SENP8: variants seen among roughly 807,000 people sequenced by gnomAD.
SENP8 encodes the protein SUMO peptidase family member, NEDD8 specific, also known as sentrin-specific protease 8.
SENP8 carries 10 observed loss-of-function variants against 14.4 expected under a neutral mutation model. That is an observed-to-expected ratio of 0.69 (90% confidence interval 0.43 to 1.18). SENP8 has a LOEUF of 1.18. SENP8 is among the 50% of genes most tolerant of loss of function. The pLI, the probability that SENP8 is intolerant of heterozygous loss-of-function variation, is 0.00. For missense variants in SENP8, 202 were observed against 249.4 expected, an observed-to-expected ratio of 0.81 and a Z score of 1.28; for synonymous variants, 94 against 95.5, an observed-to-expected ratio of 0.98 and a Z score of 0.09.
chr15:72,140,707 A>G lies in SENP8; in HGVS notation c.*445A>G, dbSNP rs914496588. On this transcript the variant is annotated 3_prime_UTR_variant, in exon 2 of 2. Coordinates refer to ENST00000340912, the MANE Select transcript of SENP8 (RefSeq NM_145204.4). ...GAACCAAAAACTTGTTGCACAGCCT[A>G]CATAATTAAGAGATCAACTGGCTGG... The G allele has an allele frequency of 5.8e-6, 1 of 173,354 alleles. No individual in the cohort carries two copies. The highest frequency in any genetic ancestry group is 2.4e-5 in the African/African-American group (1 of 41,496). The allele number at this position is 173,354 out of a possible 1,614,324, so 10.7% of individuals were successfully genotyped here. A position where few individuals can be genotyped will look rare whatever the true frequency, so the allele number is the denominator to read the frequency against.
At position 72,129,536 on chromosome 15, in the gene SENP8, A is replaced by AT. The variant is rs35079066; in HGVS notation, c.-47-10021dup. Among the ~76,000 whole-genome samples the AT allele has an allele frequency of 9.1e-3, 961 of 105,412 alleles. 7 individuals are homozygous for AT. The highest frequency in any genetic ancestry group is 0.015 in the African/African-American group (435 of 28,570). 69.2% of individuals were successfully genotyped at this position (105,412 alleles called of 152,430 possible). Reference sequence around the variant, plus strand: ...CACCACCACACCCGGCTAATTTTGTATTTTTTTTTTTTTTTTTTTTAGTAG... The same window carrying AT: ...CACCACCACACCCGGCTAATTTTGTATTTTTTTTTTTTTTTTTTTTTAGTAG... On this transcript the variant is annotated intron_variant, in intron 1 of 1. Coordinates refer to ENST00000340912, the MANE Select transcript of SENP8 (RefSeq NM_145204.4).
intron 1 of SENP8, among the ~76,000 whole-genome samples, chr15:72,130,311 G>A (rs1567068282): frequency 6.6e-6 from 1 of 152,218 alleles, no homozygotes; most frequent in Non-Finnish European, 1.5e-5. Flanking sequence ...GAAATTTACA[G>A]ATTACATAAC....
intron 1 of SENP8, among the ~76,000 whole-genome samples, chr15:72,138,541 G>T (rs575337869): frequency 4.0e-5 from 6 of 151,092 alleles, no homozygotes; most frequent in Admixed American, 1.3e-4. Context: ...GTAGAGATGG[G>T]GTTTCACCAT....
At chr15:72,118,635 C>T (rs1200896696) in intron 1 of SENP8, 171 bp downstream of exon 1, 1 of 152,222 alleles carries the variant, frequency 6.6e-6, no homozygotes, top group Non-Finnish European at 1.5e-5. Context: ...CCCACTGCCC[C>T]CTCCATTGTC....
Position 72,139,570 on chromosome 15 carries a change from C to G in SENP8, c.-47-7C>G, listed in dbSNP as rs934332426. 1.9e-6 allele frequency: 3 copies of G among 1,564,584 alleles called. No homozygotes were observed. Among genetic ancestry groups the G allele is most frequent in the African/African-American group, 2.7e-5 (2 of 73,424 alleles). On this transcript the variant is annotated splice_region_variant and splice_polypyrimidine_tract_variant and intron_variant, in intron 1 of 1. Transcript: ENST00000340912. ...AGGTATTTATTGACAATAATATTGT[C>G]TTCTAGCTCTTGTTCAGCTTCTGGA...
At chr15:72,126,711 C>G (rs1326343007) in intron 1 of SENP8, among the ~76,000 whole-genome samples, 1 of 152,186 alleles carries the variant, frequency 6.6e-6, no homozygotes, top group Non-Finnish European at 1.5e-5. Context: ...CGTGAACACG[C>G]TGAAAACACT....
At chr15:72,123,783 A>G (rs929986799) in intron 1 of SENP8, among the ~76,000 whole-genome samples, 1 of 152,046 alleles carries the variant, frequency 6.6e-6, no homozygotes, top group Non-Finnish European at 1.5e-5. Context: ...CAGGTGATCC[A>G]CCCGCCTTGG....
upstream of SENP8, chr15:72,116,954 A>T (rs781629854): frequency 1.3e-5 from 2 of 152,198 alleles, no homozygotes; most frequent in Non-Finnish European, 2.9e-5. Flanking sequence ...CGGTCCCCTT[A>T]AGCCACAATG....
intron 1 of SENP8, among the ~76,000 whole-genome samples, chr15:72,118,909 G>C (rs2081108227): frequency 6.6e-6 from 1 of 152,094 alleles, no homozygotes; most frequent in Non-Finnish European, 1.5e-5. Flanking sequence ...GGTGACTTTT[G>C]GGTCACTTTT....
intron 1 of SENP8, among the ~76,000 whole-genome samples, chr15:72,129,262 G>C (rs4238449): frequency 2.0e-5 from 3 of 151,966 alleles, no homozygotes; most frequent in Admixed American, 2.0e-4. Context: ...AGGTGAGGTA[G>C]CTCACGCCTA....
At position 72,140,919 on chromosome 15, in the gene SENP8, A is replaced by G. The variant is rs1461153059; in HGVS notation, c.*657A>G. The G allele has an allele frequency of 6.0e-6, 1 of 167,142 alleles. No homozygotes were observed. The highest frequency in any genetic ancestry group is 2.4e-5 in the African/African-American group (1 of 41,462). The allele number at this position is 167,142 out of a possible 1,614,324, so 10.4% of individuals were successfully genotyped here. A position where few individuals can be genotyped will look rare whatever the true frequency, so the allele number is the denominator to read the frequency against. On this transcript the variant is annotated 3_prime_UTR_variant, in exon 2 of 2. Coordinates refer to ENST00000340912, the MANE Select transcript of SENP8 (RefSeq NM_145204.4). Reference sequence around the variant, plus strand: ...ATCTGATTCCTGGAATGCTTGAAGAAAGGGGAAATCTTGAGTAACCTCATT... The same window carrying G: ...ATCTGATTCCTGGAATGCTTGAAGAGAGGGGAAATCTTGAGTAACCTCATT...
chr15:72,129,265 C>T (rs1165729592), intron 1 of SENP8, among the ~76,000 whole-genome samples: 1 of 152,102 alleles, frequency 6.6e-6, no homozygotes, highest in Non-Finnish European at 1.5e-5. Flanking sequence ...TGAGGTAGCT[C>T]ACGCCTATCA....
chr15:72,128,921 G>A (rs2140506628), intron 1 of SENP8, among the ~76,000 whole-genome samples: 1 of 152,220 alleles, frequency 6.6e-6, no homozygotes, highest in Middle Eastern at 3.4e-3. Context: ...ACCTGAATGA[G>A]GCTGTTTCTC....
rs182782774 is a variant in SENP8, at chr15:72,123,086, G to A, written c.-48+4622G>A. The stretch of plus-strand genomic sequence containing the variant: ...AGGCACATTTTTGAAACCCACTAAT[G>A]AGCAATTTGTAATGACAATTTACCT... On this transcript the variant is annotated intron_variant, in intron 1 of 1. Transcript: ENST00000340912. Among the ~76,000 whole-genome samples the A allele has an allele frequency of 1.2e-4, 19 of 152,196 alleles. No individual in the cohort carries two copies. In the East Asian group the frequency reaches 3.3e-3, roughly 26 times the overall value.
intron 1 of SENP8, among the ~76,000 whole-genome samples, chr15:72,137,862 C>T (rs1335119034): frequency 6.6e-6 from 1 of 151,640 alleles, no homozygotes; most frequent in African/African-American, 2.4e-5. Flanking sequence ...GTCCCAGCTA[C>T]TTGGGAGGCT....
intron 1 of SENP8, among the ~76,000 whole-genome samples, chr15:72,123,397 C>T (rs1187824703): frequency 6.6e-6 from 1 of 152,154 alleles, no homozygotes; most frequent in East Asian, 1.9e-4. Context: ...ACACCTGACC[C>T]TCACTCCTAG....
intron 1 of SENP8, among the ~76,000 whole-genome samples, chr15:72,125,985 A>T (rs1026222785): frequency 5.9e-5 from 9 of 151,798 alleles, no homozygotes; most frequent in Non-Finnish European, 1.0e-4. Context: ...TACCATATCC[A>T]ACTTGTTTTG....
At chr15:72,118,982 AAGC>A (rs1351601095) in intron 1 of SENP8, among the ~76,000 whole-genome samples, 7 of 152,176 alleles carry the variant, frequency 4.6e-5, no homozygotes, top group African/African-American at 1.4e-4. Flanking sequence ...AAGGAGGTAA[AAGC>A]AGAATAACGG....
chr15:72,135,938 C>A (rs1249045485), intron 1 of SENP8, among the ~76,000 whole-genome samples: 2 of 152,134 alleles, frequency 1.3e-5, no homozygotes, highest in African/African-American at 4.8e-5. Flanking sequence ...AGCTATATGA[C>A]CTGGCACTCA....
Sources: allele counts gnomAD v4.1 joint callset (sites outside exome capture counted in the v4.1 genomes callset), GRCh38; gene constraint gnomAD v4.1.1; transcripts MANE v1.5; gene names NCBI Gene and HGNC (gene_info 2026-07-23, HGNC 2026-07-21).